ACCSL: variants seen among roughly 807,000 people sequenced by gnomAD.
The protein encoded by ACCSL is 1-aminocyclopropane-1-carboxylate synthase homolog (inactive) like.
Under a neutral mutation model 61.7 loss-of-function variants are expected in ACCSL, and 55 were observed. The ratio of observed to expected loss-of-function variants is 0.89; its 90% CI spans 0.72 to 1.12. The LOEUF is 1.12. Among genes scored for constraint, ACCSL ranks in the 50% most tolerant of loss-of-function variants. ACCSL has a pLI of 0.00. For missense variants in ACCSL, 632 were observed against 698.0 expected (o/e 0.91, Z 1.07); for synonymous variants, 258 against 264.3 (o/e 0.98, Z 0.23).
At chr11:44,054,351 A>ATCT (rs1222231400) in intron 8 of ACCSL, among the ~76,000 whole-genome samples, 1 of 152,216 alleles carries the variant, frequency 6.6e-6, no homozygotes, top group African/African-American at 2.4e-5. Context: ...GTAGGCAAGA[A>ATCT]TTGGATAGAA....
the ACCSL span, among the ~76,000 whole-genome samples, chr11:44,022,893 G>T: frequency 6.6e-6 from 1 of 152,176 alleles, no homozygotes; most frequent in African/African-American, 2.4e-5. Context: ...TTTTGGAAGA[G>T]TTTGTGTTGA....
chr11:43,950,150 C>T, the ACCSL span, among the ~76,000 whole-genome samples: 9 of 152,186 alleles, frequency 5.9e-5, no homozygotes, highest in South Asian at 2.1e-4. Context: ...ACCTATGACC[C>T]GGAAGCCCCC....
the ACCSL span, among the ~76,000 whole-genome samples, chr11:43,996,447 A>T: frequency 6.6e-6 from 1 of 152,170 alleles, no homozygotes; most frequent in Non-Finnish European, 1.5e-5. Context: ...AGGATGGGGC[A>T]GATGGAGATG....
chr11:43,979,811 T>C, the ACCSL span, among the ~76,000 whole-genome samples: 1 of 137,280 alleles, frequency 7.3e-6, no homozygotes, highest in Non-Finnish European at 1.5e-5. Context: ...TGCGCGACTG[T>C]GCTCCAGCCT....
chr11:43,932,201 C>T, the ACCSL span, among the ~76,000 whole-genome samples: 1 of 152,240 alleles, frequency 6.6e-6, no homozygotes, highest in East Asian at 1.9e-4. Context: ...ATGACTGCCA[C>T]CCAGGGAGAA....
chr11:43,943,848 A>G, the ACCSL span: 3 of 1,285,566 alleles, frequency 2.3e-6, no homozygotes, highest in East Asian at 5.6e-5. This position sits in a 1 kb window ranked among gnomAD's most constrained non-coding sequence, Gnocchi z 4.8. Context: ...GGCTCCTGAA[A>G]GGAGACAAAT....
the ACCSL span, among the ~76,000 whole-genome samples, chr11:43,953,184 C>T: frequency 2.6e-3 from 401 of 152,264 alleles, 3 homozygotes; most frequent in Middle Eastern, 0.014. Flanking sequence ...TGAGAGGAGG[C>T]TGGCACAAGT....
Position 44,059,959 on chromosome 11 carries a change from T to G in ACCSL, c.*39T>G. ...CAACCAGCAGTTCCAGCCCATCACT[T>G]GCTCAGGGACCCCCTAATGTCAGCC... On this transcript the variant is annotated 3_prime_UTR_variant, in exon 14 of 14. Coordinates refer to ENST00000378832, the MANE Select transcript of ACCSL (RefSeq NM_001031854.2). 6.3e-7 allele frequency: 1 copy of G among 1,586,092 alleles called. No individual in the cohort carries two copies. The highest frequency in any genetic ancestry group is 8.7e-7 in the Non-Finnish European group (1 of 1,155,778).
chr11:44,044,992 G>A (rs1259287540), upstream of ACCSL, among the ~76,000 whole-genome samples: 1 of 152,192 alleles, frequency 6.6e-6, no homozygotes, highest in Non-Finnish European at 1.5e-5. Context: ...CCCGGTACCA[G>A]ACAACTTAGG....
the ACCSL span, among the ~76,000 whole-genome samples, chr11:43,966,544 G>A: frequency 6.6e-5 from 10 of 151,524 alleles, no homozygotes; most frequent in African/African-American, 1.9e-4. Context: ...TATCTGGTAA[G>A]AGTCTAGTAT....
chr11:44,057,680 C>T (rs1016041360), intron 11 of ACCSL, among the ~76,000 whole-genome samples: 14 of 151,182 alleles, frequency 9.3e-5, no homozygotes, highest in Non-Finnish European at 1.3e-4. Context: ...GTAGGAGCTG[C>T]GAGTCCCTGC....
chr11:43,953,225 A>G, the ACCSL span, among the ~76,000 whole-genome samples: 1 of 152,168 alleles, frequency 6.6e-6, no homozygotes, highest in Non-Finnish European at 1.5e-5. Context: ...TGATAAAAGG[A>G]TGAGATATGC....
intron 13 of ACCSL, among the ~76,000 whole-genome samples, chr11:44,059,622 T>C (rs964311253): frequency 7.9e-5 from 12 of 152,190 alleles, no homozygotes; most frequent in African/African-American, 2.9e-4. Context: ...ATACAAGACA[T>C]TGAGATGTCT....
At chr11:43,989,322 G>A in the ACCSL span, among the ~76,000 whole-genome samples, 11 of 152,220 alleles carry the variant, frequency 7.2e-5, no homozygotes, top group Admixed American at 7.2e-4. Flanking sequence ...GGGAAGGTCT[G>A]GGTGAGAGGT....
chr11:43,970,815 G>C, the ACCSL span, among the ~76,000 whole-genome samples: 2 of 152,082 alleles, frequency 1.3e-5, no homozygotes. Flanking sequence ...AAGTTGTCCT[G>C]GACTCGGTCA....
chr11:43,943,936 CG>C, the ACCSL span: 51 of 1,077,644 alleles, frequency 4.7e-5, no homozygotes, highest in Admixed American at 1.1e-4. The surrounding 1 kb of genome is among the most constrained non-coding windows in gnomAD (Gnocchi z 4.8). Flanking sequence ...TCCCAAGACT[CG>C]GGGAGGTGGG....
the ACCSL span, among the ~76,000 whole-genome samples, chr11:43,983,537 G>A: frequency 2.0e-5 from 3 of 152,144 alleles, no homozygotes; most frequent in South Asian, 4.1e-4. Flanking sequence ...ACCAGAGAAT[G>A]ATTGCATTGA....
chr11:44,052,888 A>T (rs1480412723), intron 6 of ACCSL, 103 bp from the exon 7 acceptor site: 4 of 1,445,804 alleles, frequency 2.8e-6, no homozygotes, highest in Non-Finnish European at 2.9e-6. Flanking sequence ...AGGCATGTGG[A>T]CTGGCACTCT....
chr11:43,955,564 T>G, the ACCSL span, among the ~76,000 whole-genome samples: 1 of 152,070 alleles, frequency 6.6e-6, no homozygotes, highest in African/African-American at 2.4e-5. Context: ...CTAAGGATAG[T>G]TGGGTGGGCC....
Sources: gnomAD v4.1 joint callset for allele counts (sites outside exome capture counted in the v4.1 genomes callset) on GRCh38, gnomAD v4.1.1 for gene constraint, Gnocchi (gnomAD v3.1) non-coding constraint, MANE v1.5 for transcripts, NCBI Gene and HGNC (gene_info 2026-07-23, HGNC 2026-07-21) for gene names.